Variants in TFDP2 observed in about 807,000 individuals in gnomAD.
TFDP2 encodes the protein transcription factor Dp-2 (E2F dimerization partner 2).
Under a neutral mutation model 59.3 loss-of-function variants are expected in TFDP2, and 17 were observed. That is an observed-to-expected ratio of 0.29 (90% CI 0.20 to 0.43). The LOEUF (loss-of-function observed/expected upper bound fraction) is 0.43. Ranked by LOEUF, TFDP2 falls within the 20% of genes least tolerant of loss-of-function variation. The pLI, the probability that TFDP2 is intolerant of heterozygous loss-of-function variation, is 1.00. For missense variants in TFDP2, 391 were observed against 528.8 expected, an observed-to-expected ratio of 0.74 and a Z score of 2.56; for synonymous variants, 180 against 194.7, an observed-to-expected ratio of 0.92 and a Z score of 0.63.
In TFDP2 at chr3:141,951,790, G is replaced by A. The variant is rs1935969196; in HGVS notation, c.*723C>T. ...CAAAGTATTTAATGCACATGGAAAT[G>A]CTATTCTATTTTGGCTTCCAGAAGT... On this transcript the variant is annotated 3_prime_UTR_variant, in exon 13 of 13. Transcript: ENST00000489671. 1 of 152,646 alleles carries A rather than the reference G, an allele frequency of 6.6e-6. No individual in the cohort carries two copies. The highest frequency in any genetic ancestry group is 1.5e-5 in the Non-Finnish European group (1 of 68,046). The allele number at this position is 152,646 out of a possible 1,614,324, so 9.5% of individuals were successfully genotyped here.
chr3:142,027,557 G>A (rs1383889543), intron 3 of TFDP2, among the ~76,000 whole-genome samples: 6 of 151,828 alleles, frequency 4.0e-5, no homozygotes, highest in Non-Finnish European at 8.8e-5. Flanking sequence ...TTAAGTAAAT[G>A]TATTATTTAA....
intron 3 of TFDP2, among the ~76,000 whole-genome samples, chr3:142,073,410 C>T (rs2060315948): frequency 1.4e-5 from 1 of 71,690 alleles, no homozygotes; most frequent in South Asian, 6.3e-4. Context: ...TTAAGAAAAA[C>T]AAAAGAAAGA....
chr3:142,043,755 C>A, intron 3 of TFDP2: 1 of 1,567,048 alleles, frequency 6.4e-7, no homozygotes, highest in East Asian at 2.2e-5. Context: ...CAGCCAGGAG[C>A]TTCTTGCGGG....
intron 1 of TFDP2, among the ~76,000 whole-genome samples, chr3:142,130,839 G>C (rs2062476317): frequency 6.6e-6 from 1 of 151,974 alleles, no homozygotes; most frequent in Non-Finnish European, 1.5e-5. Context: ...CTCACCTGAG[G>C]TCAGGAGTTC....
chr3:142,052,308 C>T (rs763831029), intron 3 of TFDP2, among the ~76,000 whole-genome samples: 4 of 151,894 alleles, frequency 2.6e-5, no homozygotes, highest in East Asian at 1.9e-4. Context: ...GAGGCCAAGG[C>T]GGGCAGATCA....
In TFDP2 at chr3:141,952,287, T is replaced by G; in HGVS notation, c.*226A>C. 1 of 409,532 alleles carries G rather than the reference T, an allele frequency of 2.4e-6. No homozygotes were observed. The highest frequency in any genetic ancestry group is 2.1e-5 in the African/African-American group (1 of 47,988). The allele number at this position is 409,532 out of a possible 1,614,324, so 25.4% of individuals were successfully genotyped here. A position where few individuals can be genotyped will look rare whatever the true frequency, so the allele number is the denominator to read the frequency against. On this transcript the variant is annotated 3_prime_UTR_variant, in exon 13 of 13. Transcript: ENST00000489671. ...ATCTCCTCAGAAAGCATGCTTTCTT[T>G]GTTATATCATCTACTGCTCTGTTGG...
chr3:142,043,759 T>C lies in TFDP2; in HGVS notation c.83-38215A>G, dbSNP rs1947155102. The C allele has an allele frequency of 2.0e-5, 31 of 1,576,434 alleles. 3 individuals are homozygous for C. In the South Asian group the frequency reaches 3.4e-4, roughly 17 times the overall value. On this transcript the variant is annotated intron_variant, in intron 3 of 12. Transcript: ENST00000489671. Reference sequence around the variant, plus strand: ...CTCAGCCTGGTCAGCCAGGAGCTTCTTGCGGGCCTTGTCTGCCTTCAGCTT... The same window carrying C: ...CTCAGCCTGGTCAGCCAGGAGCTTCCTGCGGGCCTTGTCTGCCTTCAGCTT...
chr3:141,992,926 T>C (rs1484353543), intron 6 of TFDP2, among the ~76,000 whole-genome samples: 7 of 152,224 alleles, frequency 4.6e-5, no homozygotes, highest in Non-Finnish European at 1.5e-5. Context: ...GTGATTCTGA[T>C]GCACAGCCAG....
intron 1 of TFDP2, among the ~76,000 whole-genome samples, chr3:142,117,328 T>C (rs953996381): frequency 1.6e-4 from 25 of 151,808 alleles, no homozygotes; most frequent in Non-Finnish European, 2.6e-4. Context: ...CCACAAGAAT[T>C]TTTAAAACCC....
chr3:141,967,299 T>G (rs1430054552), intron 9 of TFDP2, among the ~76,000 whole-genome samples: 1 of 150,074 alleles, frequency 6.7e-6, no homozygotes, highest in African/African-American at 2.4e-5. Context: ...TTTTTTGTTT[T>G]TTTTTTTTTT....
chr3:142,042,427 G>A (rs1947023784), intron 3 of TFDP2, among the ~76,000 whole-genome samples: 2 of 151,848 alleles, frequency 1.3e-5, no homozygotes, highest in Non-Finnish European at 2.9e-5. Context: ...GAGAAGCTGG[G>A]ACTGTAGACA....
At position 141,950,882 on chromosome 3, in the gene TFDP2, T is replaced by C. The variant is rs548727948; in HGVS notation, c.*1631A>G. On this transcript the variant is annotated 3_prime_UTR_variant, in exon 13 of 13. Coordinates refer to ENST00000489671, the MANE Select transcript of TFDP2 (RefSeq NM_001178139.2). Reference sequence around the variant, plus strand: ...TGCCTCTATCTCTGAGTCTGTACTATGGCTTATTTCTGACAGAATGAAACT... The same window carrying C: ...TGCCTCTATCTCTGAGTCTGTACTACGGCTTATTTCTGACAGAATGAAACT... The C allele has an allele frequency of 7.2e-5, 11 of 152,444 alleles. No homozygotes were observed. The East Asian group carries it at 2.1e-3, about 29-fold the overall frequency. The allele number at this position is 152,444 out of a possible 1,614,324, so 9.4% of individuals were successfully genotyped here.
At chr3:142,097,444 A>T (rs2061195447) in intron 2 of TFDP2, among the ~76,000 whole-genome samples, 1 of 152,218 alleles carries the variant, frequency 6.6e-6, no homozygotes, top group Non-Finnish European at 1.5e-5. Flanking sequence ...TAATAGGAGC[A>T]CCTAGGGAGG....
At chr3:142,029,638 T>C (rs949818011) in intron 3 of TFDP2, among the ~76,000 whole-genome samples, 1 of 152,116 alleles carries the variant, frequency 6.6e-6, no homozygotes, top group Non-Finnish European at 1.5e-5. Flanking sequence ...TCCTGATGTA[T>C]GGCACAAGTA....
At chr3:141,953,823 C>T (rs1936225688) in intron 11 of TFDP2, among the ~76,000 whole-genome samples, 1 of 136,844 alleles carries the variant, frequency 7.3e-6, no homozygotes, top group South Asian at 2.4e-4. Flanking sequence ...AAAAAGGTCA[C>T]ATGCAGTCAT....
At chr3:142,033,710 G>C (rs994460369) in intron 3 of TFDP2, among the ~76,000 whole-genome samples, 2 of 152,148 alleles carry the variant, frequency 1.3e-5, no homozygotes, top group South Asian at 2.1e-4. Flanking sequence ...ATGAGCATTA[G>C]AGTCAGAATA....
rs140582209 is a variant in TFDP2 at position 142,001,990 on chromosome 3, G to GTT, written c.186+3449_186+3450dup. The stretch of plus-strand genomic sequence containing the variant: ...GAGTGGCTAGGTGCCACCATGCCTG[G>GTT]TTTTTTTTTTTTTTTTTTGTCTGAG... On this transcript the variant is annotated intron_variant, in intron 4 of 12. Transcript: ENST00000489671. Among the ~76,000 whole-genome samples, 791 of 116,774 alleles carry GTT rather than the reference G, an allele frequency of 6.8e-3. 18 individuals are homozygous for GTT. Among genetic ancestry groups the GTT allele is most frequent in the African/African-American group, 0.02 (676 of 33,736 alleles). The allele number at this position is 116,774 out of a possible 152,430, so 76.6% of individuals were successfully genotyped here.
chr3:141,985,762 G>A (rs528391585), intron 6 of TFDP2, among the ~76,000 whole-genome samples: 3 of 152,082 alleles, frequency 2.0e-5, no homozygotes, highest in East Asian at 3.9e-4. Context: ...AAAAAAATAA[G>A]TTAATTAAAC....
rs573767485 is a variant in TFDP2, at chr3:141,977,104, A to G, written c.519+1416T>C. Among the ~76,000 whole-genome samples the G allele has an allele frequency of 3.7e-4, 34 of 90,908 alleles. 1 individual carries two copies. The highest frequency in any genetic ancestry group is 3.2e-3 in the Admixed American group (28 of 8,724). 59.6% of individuals were successfully genotyped at this position (90,908 alleles called of 152,430 possible). ...CAGTCATAGCCATATATATATATAT[A>G]TATTTTTTTTTTTTTTTTTTTTTTC... On this transcript the variant is annotated intron_variant, in intron 7 of 12. Coordinates refer to ENST00000489671, the MANE Select transcript of TFDP2 (RefSeq NM_001178139.2).
Sources: gnomAD v4.1 joint callset for allele counts (sites outside exome capture counted in the v4.1 genomes callset) on GRCh38, gnomAD v4.1.1 for gene constraint, MANE v1.5 for transcripts, NCBI Gene and HGNC (gene_info 2026-07-23, HGNC 2026-07-21) for gene names.